The following PARP15 variants were observed in gnomAD, a reference collection of about 807,000 sequenced individuals.
The protein encoded by PARP15 is poly(ADP-ribose) polymerase family member 15.
Under a neutral mutation model 62.1 loss-of-function variants are expected in PARP15, and 50 were observed. The ratio of observed to expected loss-of-function variants is 0.81; its 90% CI spans 0.64 to 1.02. PARP15 has a LOEUF of 1.02. Ranked by LOEUF, PARP15 falls within the 50% of genes least tolerant of loss-of-function variation. PARP15 has a pLI of 0.00. For missense variants in PARP15, 820 were observed against 826.5 expected, an observed-to-expected ratio of 0.99 and a Z score of 0.10; for synonymous variants, 309 against 293.1, an observed-to-expected ratio of 1.05 and a Z score of -0.55.
intron 7 of PARP15, 130 bp from the exon 8 acceptor site, chr3:122,621,314 A>T: frequency 1.0e-6 from 1 of 982,702 alleles, no homozygotes; most frequent in East Asian, 2.7e-5. Context: ...AGTGAATGAA[A>T]CCAACAAGCT....
chr3:122,594,442 A>C (rs1277023499), intron 1 of PARP15: 2 of 568,834 alleles, frequency 3.5e-6, no homozygotes, highest in Non-Finnish European at 4.5e-6. Context: ...ATCATATTAC[A>C]AAGTAGCTCC....
chr3:122,608,219 T>TC (rs1220776011), intron 2 of PARP15, among the ~76,000 whole-genome samples: 7 of 137,864 alleles, frequency 5.1e-5, no homozygotes, highest in African/African-American at 1.5e-4. Context: ...TTTTCTTTTT[T>TC]TTTTTTTTTT....
chr3:122,633,127 C>A (rs1021190355), intron 10 of PARP15, among the ~76,000 whole-genome samples: 1 of 152,168 alleles, frequency 6.6e-6, no homozygotes, highest in African/African-American at 2.4e-5. Context: ...TATGTACTTA[C>A]ATTACAGCAC....
chr3:122,605,489 C>T (rs1435980925), intron 1 of PARP15, among the ~76,000 whole-genome samples: 1 of 152,070 alleles, frequency 6.6e-6, no homozygotes, highest in African/African-American at 2.4e-5. Flanking sequence ...ATCTCAGAGC[C>T]AAGTTATGAG....
Position 122,610,488 on chromosome 3 carries a change from G to A in PARP15, c.307-6G>A, listed in dbSNP as rs186741516. On this transcript the variant is annotated splice_polypyrimidine_tract_variant and splice_region_variant and intron_variant, in intron 2 of 11. Transcript: ENST00000464300. ...TCAATCTCTAACTGTTGCTATTTTC[G>A]TTAAGGCCGATGTCATTGTCAACAG... 13 of 1,546,772 alleles carry A rather than the reference G, an allele frequency of 8.4e-6. No individual in the cohort carries two copies. Among genetic ancestry groups the A allele is most frequent in the Admixed American group, 8.0e-5 (4 of 49,782 alleles).
rs1935814053 is a variant in PARP15 at position 122,614,582 on chromosome 3, TG to T, written c.772-1196del. 4.6e-5 allele frequency among the ~76,000 whole-genome samples: 7 copies of T among 152,224 alleles called. No individual in the cohort carries two copies. In the South Asian group the frequency reaches 1.4e-3, roughly 32 times the overall value. Reference sequence around the variant, plus strand: ...TAAAATATCCAGAGACATATTTTTTTGCTCAAAGATAAACTGGGGGAAATTA... The same window carrying T: ...TAAAATATCCAGAGACATATTTTTTTCTCAAAGATAAACTGGGGGAAATTA... On this transcript the variant is annotated intron_variant, in intron 4 of 11. Transcript: ENST00000464300.
intron 1 of PARP15, among the ~76,000 whole-genome samples, chr3:122,583,392 G>C (rs1933126155): frequency 6.6e-6 from 1 of 151,786 alleles, no homozygotes; most frequent in Non-Finnish European, 1.5e-5. Flanking sequence ...CTCCCAAAGT[G>C]CTGGGATTAC....
intron 1 of PARP15, among the ~76,000 whole-genome samples, chr3:122,585,402 G>C (rs1005570478): frequency 1.3e-5 from 2 of 152,146 alleles, no homozygotes; most frequent in African/African-American, 4.8e-5. Context: ...AGAATAATGG[G>C]GTATGATCTG....
intron 1 of PARP15, among the ~76,000 whole-genome samples, chr3:122,583,373 C>G (rs1289688340): frequency 6.6e-6 from 1 of 151,894 alleles, no homozygotes; most frequent in Non-Finnish European, 1.5e-5. Context: ...GTGATCCACC[C>G]ACTTCGGCCT....
chr3:122,594,781 C>T lies in PARP15; in HGVS notation c.187-11155C>T, dbSNP rs1934206955. On this transcript the variant is annotated intron_variant, in intron 1 of 11. Transcript: ENST00000464300. ...CATTTATTAATGTTTGTGATGGACACCATGGAAGTTCAGCAACTTCAGATT... is the reference window on the plus strand; with the variant it reads ...CATTTATTAATGTTTGTGATGGACATCATGGAAGTTCAGCAACTTCAGATT... 4 of 981,494 alleles carry T rather than the reference C, an allele frequency of 4.1e-6. No homozygotes were observed. The African/African-American group carries it at 5.3e-5, about 13-fold the overall frequency. 60.8% of individuals were successfully genotyped at this position (981,494 alleles called of 1,614,324 possible).
At chr3:122,610,377 G>A (rs1252067480) in intron 2 of PARP15, 117 bp from the exon 3 acceptor site, 13 of 923,222 alleles carry the variant, frequency 1.4e-5, no homozygotes, top group Non-Finnish European at 1.8e-5. Flanking sequence ...GGGCTGACAT[G>A]TTAGTATGAC....
At chr3:122,619,052 A>C (rs544151168) in intron 6 of PARP15, among the ~76,000 whole-genome samples, 2 of 152,242 alleles carry the variant, frequency 1.3e-5, no homozygotes, top group Non-Finnish European at 2.9e-5. Flanking sequence ...AGATATCTTC[A>C]TAATGATAAA....
At chr3:122,611,251 T>C (rs1178180114) in intron 3 of PARP15, among the ~76,000 whole-genome samples, 1 of 152,146 alleles carries the variant, frequency 6.6e-6, no homozygotes, top group Non-Finnish European at 1.5e-5. Context: ...TATAAAAAAG[T>C]AATACAAATA....
chr3:122,602,107 T>A (rs1934840699), intron 1 of PARP15, among the ~76,000 whole-genome samples: 1 of 152,212 alleles, frequency 6.6e-6, no homozygotes, highest in Admixed American at 6.5e-5. Context: ...CTTTCTTTTC[T>A]TTTGTGCCTC....
At chr3:122,583,579 C>G (rs1358079626) in intron 1 of PARP15, among the ~76,000 whole-genome samples, 1 of 152,096 alleles carries the variant, frequency 6.6e-6, no homozygotes, top group Admixed American at 6.5e-5. Context: ...TGCACTTTAA[C>G]AAATATTCTT....
intron 1 of PARP15, among the ~76,000 whole-genome samples, chr3:122,597,088 A>C (rs528014118): frequency 1.3e-5 from 2 of 152,248 alleles, no homozygotes; most frequent in Non-Finnish European, 2.9e-5. Flanking sequence ...CCAAGATCAA[A>C]ACACTAGCAG....
Position 122,626,978 on chromosome 3 carries a change from A to T in PARP15, c.1383A>T (p.Lys461Asn). Reference protein sequence around the residue: ...ELLNIFYDSMKKRDLSASLNF... With the variant: ...ELLNIFYDSMNKRDLSASLNF... ...TAAATATATTCTACGACAGCATGAA[A>T]AAAAGAGACCTCTCTGCATCACTGA... The change falls in exon 9 of 12, where the codon AAA becomes AAT. Residue 461 changes from lysine (K) to asparagine (N), a missense_variant. Around this residue, in one of 3 missense-constraint regions of PARP15, gnomAD observed 731 missense variants for 727.7 expected, o/e 1.00. Coordinates refer to ENST00000464300, the MANE Select transcript of PARP15 (RefSeq NM_001113523.3). The T allele has an allele frequency of 6.2e-7, 1 of 1,614,064 alleles. No individual in the cohort carries two copies. The highest frequency in any genetic ancestry group is 1.1e-5 in the South Asian group (1 of 91,046).
At chr3:122,635,603 G>T (rs1937313265) in intron 11 of PARP15, among the ~76,000 whole-genome samples, 1 of 151,914 alleles carries the variant, frequency 6.6e-6, no homozygotes, top group African/African-American at 2.4e-5. Flanking sequence ...TGTAGAGAAG[G>T]GGTCTCATAA....
At position 122,612,974 on chromosome 3, in the gene PARP15, C is replaced by G. The variant is rs1576519632; in HGVS notation, c.544-67C>G. Reference sequence around the variant, plus strand: ...GAGGTCCTTGTCAGAGTTGCTGGGACCACAACTCTTTCTGTTTTCCGCTAG... The same window carrying G: ...GAGGTCCTTGTCAGAGTTGCTGGGAGCACAACTCTTTCTGTTTTCCGCTAG... On this transcript the variant is annotated intron_variant, in intron 3 of 11. Transcript: ENST00000464300. 7.2e-6 allele frequency: 10 copies of G among 1,380,954 alleles called. No individual in the cohort carries two copies. In the East Asian group the frequency reaches 2.5e-4, roughly 34 times the overall value. The allele number at this position is 1,380,954 out of a possible 1,614,324, so 85.5% of individuals were successfully genotyped here. A position where few individuals can be genotyped will look rare whatever the true frequency, so the allele number is the denominator to read the frequency against.
Sources: gnomAD v4.1 joint callset for allele counts (sites outside exome capture counted in the v4.1 genomes callset) on GRCh38, gnomAD v4.1.1 for gene constraint, gnomAD v4.1.1 regional missense constraint, MANE v1.5 for transcripts, NCBI Gene and HGNC (gene_info 2026-07-23, HGNC 2026-07-21) for gene names.